The following PCDHA5 variants were observed in gnomAD, a reference collection of about 807,000 sequenced individuals.
The protein encoded by PCDHA5 is protocadherin alpha 5.
In PCDHA5, 43 loss-of-function variants were observed where a neutral mutation model predicts 61.6. That is an observed-to-expected ratio of 0.70 (90% CI 0.55 to 0.90). The LOEUF is 0.90. Among genes scored for constraint, PCDHA5 ranks in the 40% least tolerant of loss-of-function variants. The probability of loss-of-function intolerance (pLI) is 0.00; values close to 1 mark genes in which losing one functional copy is unlikely to be tolerated. For synonymous variants in PCDHA5, 627 were observed against 543.9 expected (o/e 1.15, Z -2.13); for missense variants, 1,298 against 1,222.7 (o/e 1.06, Z -0.92).
intron 1 of PCDHA5, among the ~76,000 whole-genome samples, chr5:140,973,759 C>G (rs1050304490): frequency 2.0e-5 from 3 of 152,250 alleles, no homozygotes; most frequent in Non-Finnish European, 4.4e-5. Flanking sequence ...TGCAGGGACA[C>G]AGCCTGGCAT....
intron 1 of PCDHA5, chr5:140,835,300 G>A (rs2150233515): frequency 6.2e-7 from 1 of 1,612,674 alleles, no homozygotes; most frequent in Non-Finnish European, 8.5e-7. Flanking sequence ...ACAGTGATAG[G>A]ACATATGGAT....
chr5:140,921,212 C>T lies in PCDHA5; in HGVS notation c.2353-57737C>T, dbSNP rs78827164. On this transcript the variant is annotated intron_variant, in intron 1 of 3. Coordinates refer to ENST00000529859, the MANE Select transcript of PCDHA5 (RefSeq NM_018908.3). ...ACAATAGATTGACAACGATAATTCA[C>T]GTCTTTTTTGCTAGATGATATTAAG... is the stretch of plus-strand genomic sequence containing the variant. Among the ~76,000 whole-genome samples the T allele has an allele frequency of 3.7e-3, 555 of 152,020 alleles. 3 individuals carry two copies. Among genetic ancestry groups the T allele is most frequent in the Non-Finnish European group, 5.8e-3 (395 of 67,980 alleles).
In PCDHA5 at chr5:140,850,851, A is replaced by G. The variant is rs1052562243; in HGVS notation, c.2352+26724A>G. On this transcript the variant is annotated intron_variant, in intron 1 of 3. Transcript: ENST00000529859. ...TCCTTGTGCTGGATCTACAGAGCGA[A>G]CGGGAGAACCCTCTGCTTCCTCAGA... The G allele has an allele frequency of 3.1e-6, 5 of 1,595,924 alleles. No homozygotes were observed. Among genetic ancestry groups the G allele is most frequent in the Non-Finnish European group, 3.4e-6 (4 of 1,165,934 alleles).
intron 3 of PCDHA5, among the ~76,000 whole-genome samples, chr5:141,007,425 A>G (rs369535619): frequency 6.6e-4 from 98 of 148,834 alleles, no homozygotes; most frequent in African/African-American, 2.3e-3. Context: ...AAAATTAGCC[A>G]GGCATGGTGG....
intron 1 of PCDHA5, among the ~76,000 whole-genome samples, chr5:140,912,408 T>A (rs1376927432): frequency 6.6e-6 from 1 of 152,054 alleles, no homozygotes; most frequent in Non-Finnish European, 1.5e-5. Flanking sequence ...TCAGCTTGGT[T>A]ATTATTGGTG....
chr5:140,823,184 G>A lies in PCDHA5; in HGVS notation c.1409G>A (p.Gly470Asp). The change falls in exon 1 of 4, where the codon GGC (glycine) becomes GAC (aspartate). Residue 470 changes from glycine to aspartate, a missense_variant. By Grantham distance (94) the Gly-to-Asp change is moderately conservative. Transcript: ENST00000529859. ...TTCGTGAAGGAGAACAACCCGCCAG[G>A]CTGCCACATCTTCACGGTGTCTGCA... Reference protein sequence around the residue: ...TVFVKENNPPGCHIFTVSARD... With the variant: ...TVFVKENNPPDCHIFTVSARD... The A allele has an allele frequency of 6.2e-7, 1 of 1,613,874 alleles. No individual in the cohort carries two copies.
intron 1 of PCDHA5, among the ~76,000 whole-genome samples, chr5:140,971,045 T>G (rs2096453995): frequency 6.6e-6 from 1 of 152,090 alleles, no homozygotes; most frequent in Non-Finnish European, 1.5e-5. Context: ...CGTAAAAGGG[T>G]TTAGCTTTAA....
rs782673398 is a variant in PCDHA5, at chr5:140,875,932, C to A, written c.2352+51805C>A. ...TGCGCCTCTGGACTCTCATTTTCCTCTAGAGGGCGCTTCTGATGCGGATAT... is the reference window on the plus strand; with the variant it reads ...TGCGCCTCTGGACTCTCATTTTCCTATAGAGGGCGCTTCTGATGCGGATAT... On this transcript the variant is annotated intron_variant, in intron 1 of 3. Coordinates refer to ENST00000529859, the MANE Select transcript of PCDHA5 (RefSeq NM_018908.3). The A allele has an allele frequency of 3.1e-6, 5 of 1,614,154 alleles. No individual in the cohort carries two copies.
intron 1 of PCDHA5, among the ~76,000 whole-genome samples, chr5:140,965,210 T>C (rs1554227481): frequency 6.6e-6 from 1 of 152,214 alleles, no homozygotes; most frequent in Non-Finnish European, 1.5e-5. Context: ...TTCAAATTCC[T>C]GTGGAAGAAA....
chr5:140,956,408 C>T (rs1192859348), intron 1 of PCDHA5, among the ~76,000 whole-genome samples: 1 of 152,122 alleles, frequency 6.6e-6, no homozygotes, highest in Non-Finnish European at 1.5e-5. Context: ...TTGAGATAAT[C>T]ATGTGGGTTT....
chr5:140,850,782 G>A (rs1485656675), intron 1 of PCDHA5: 2 of 1,598,136 alleles, frequency 1.3e-6, no homozygotes, highest in African/African-American at 1.3e-5. Flanking sequence ...CTCTGGCGAG[G>A]GTAAGCAGAA....
intron 1 of PCDHA5, chr5:140,870,265 C>G (rs782376161): frequency 6.2e-7 from 1 of 1,614,214 alleles, no homozygotes; most frequent in Non-Finnish European, 8.5e-7. Flanking sequence ...GACCTGCTCG[C>G]TGACGCCCCA....
At chr5:140,867,777 A>C (rs1477276984) in intron 1 of PCDHA5, 1 of 152,128 alleles carries the variant, frequency 6.6e-6, no homozygotes, top group Non-Finnish European at 1.5e-5. Context: ...CTCATAAGCA[A>C]TTCCTGTATT....
At chr5:140,948,897 T>G (rs1487067374) in intron 1 of PCDHA5, among the ~76,000 whole-genome samples, 4 of 151,680 alleles carry the variant, frequency 2.6e-5, no homozygotes, top group Non-Finnish European at 5.9e-5. Flanking sequence ...AGATTTTAAG[T>G]GGATTCTTAG....
chr5:140,937,567 G>A lies in PCDHA5; in HGVS notation c.2353-41382G>A, dbSNP rs1218260457. On this transcript the variant is annotated intron_variant, in intron 1 of 3. Transcript: ENST00000529859. ...GCGAGGCAGAGGTTGCAGTGAGCTG[G>A]GATCGCGTCACTGCACTCTAGCCTG... 1.9e-3 allele frequency among the ~76,000 whole-genome samples: 288 copies of A among 150,684 alleles called. 1 individual carries two copies. Among genetic ancestry groups the A allele is most frequent in the African/African-American group, 6.8e-3 (278 of 40,792 alleles).
intron 1 of PCDHA5, chr5:140,856,628 G>C (rs782445037): frequency 1.9e-6 from 3 of 1,598,180 alleles, no homozygotes; most frequent in East Asian, 4.5e-5. Context: ...CCCAGTGCTT[G>C]TTCTGCGGAA....
At chr5:140,987,592 G>A (rs150671243) in intron 3 of PCDHA5, among the ~76,000 whole-genome samples, 29 of 152,290 alleles carry the variant, frequency 1.9e-4, no homozygotes, top group Admixed American at 1.6e-3. Context: ...GAGAATAGTG[G>A]TGTCTACCTT....
chr5:140,895,617 G>A (rs782388218), intron 1 of PCDHA5, among the ~76,000 whole-genome samples: 2 of 152,084 alleles, frequency 1.3e-5, no homozygotes, highest in Non-Finnish European at 2.9e-5. Context: ...CTCATTGAGG[G>A]TGTTGTCTTT....
intron 1 of PCDHA5, among the ~76,000 whole-genome samples, chr5:140,910,512 G>A (rs2075055738): frequency 6.6e-6 from 1 of 152,144 alleles, no homozygotes; most frequent in Admixed American, 6.5e-5. Flanking sequence ...GCTCTTCAAG[G>A]ATGCAGGTAC....
Sources: allele counts gnomAD v4.1 joint callset (sites outside exome capture counted in the v4.1 genomes callset), GRCh38; gene constraint gnomAD v4.1.1; transcripts MANE v1.5; gene names NCBI Gene and HGNC (gene_info 2026-07-23, HGNC 2026-07-21).